Variants in ADGRF5 observed in about 807,000 individuals in gnomAD.
The protein encoded by ADGRF5 is adhesion G protein-coupled receptor F5, also known as G-protein coupled receptor 116.
Under a neutral mutation model 132.3 loss-of-function variants are expected in ADGRF5, and 75 were observed. That is an observed-to-expected ratio of 0.57 (90% CI 0.47 to 0.69). The LOEUF (loss-of-function observed/expected upper bound fraction) is 0.69, where lower values mean the gene tolerates loss of function less well. Among genes scored for constraint, ADGRF5 ranks in the 30% least tolerant of loss-of-function variants. ADGRF5 has a pLI of 0.00. For missense variants in ADGRF5, 1,516 were observed against 1,630.6 expected (o/e 0.93, Z 1.21); for synonymous variants, 629 against 597.6 (o/e 1.05, Z -0.77).
At chr6:46,929,878 C>A (rs1268954012) in intron 1 of ADGRF5, among the ~76,000 whole-genome samples, 1 of 152,014 alleles carries the variant, frequency 6.6e-6, no homozygotes, top group African/African-American at 2.4e-5. Context: ...CTGGACACAG[C>A]AGCACGATCT....
upstream of ADGRF5, among the ~76,000 whole-genome samples, chr6:46,926,090 G>A (rs760488229): frequency 6.6e-6 from 1 of 152,096 alleles, no homozygotes; most frequent in Non-Finnish European, 1.5e-5. Context: ...GTATACAAAT[G>A]GTCTTATTCT....
rs1419716785 is a variant in ADGRF5, at chr6:46,879,769, A to G, written c.1036+49T>C. On this transcript the variant is annotated intron_variant, in intron 9 of 20. Coordinates refer to ENST00000283296, the MANE Select transcript of ADGRF5 (RefSeq NM_001098518.2). Reference sequence around the variant, plus strand: ...AACACTATTACATATTTGCTTCTTTATAAGCTCTTCATTCCATTCCTCACA... The same window carrying G: ...AACACTATTACATATTTGCTTCTTTGTAAGCTCTTCATTCCATTCCTCACA... The G allele has an allele frequency of 4.8e-6, 6 of 1,251,980 alleles. No homozygotes were observed. In the Admixed American group the frequency reaches 1.0e-4, roughly 21 times the overall value. 77.6% of individuals were successfully genotyped at this position (1,251,980 alleles called of 1,614,324 possible).
Position 46,858,754 on chromosome 6 carries a change from C to T in ADGRF5, c.3149G>A (p.Arg1050His), listed in dbSNP as rs199576297. 7 of 1,613,926 alleles carry T rather than the reference C, an allele frequency of 4.3e-6. No individual in the cohort carries two copies. The highest frequency in any genetic ancestry group is 5.9e-6 in the Non-Finnish European group (7 of 1,180,014). ...SVTKNRTSYM[R>H]HTCIVNIAAS... ...AGCGATATTCACTATGCAGGTGTGG[C>T]GCATATAAGAAGTCCGGTTCTTGGT... The change falls in exon 17 of 21, where the codon CGC becomes CAC. Residue 1050 changes from arginine (R) to histidine (H), a missense_variant. Arg to His is a conservative substitution (Grantham distance 29). Coordinates refer to ENST00000283296, the MANE Select transcript of ADGRF5 (RefSeq NM_001098518.2).
intron 10 of ADGRF5, among the ~76,000 whole-genome samples, chr6:46,873,839 T>C (rs1406853821): frequency 6.6e-6 from 1 of 152,234 alleles, no homozygotes; most frequent in Non-Finnish European, 1.5e-5. Flanking sequence ...TTCTTTGCAC[T>C]TGGCATTTCC....
At chr6:46,888,271 A>C (rs1773258894) in intron 4 of ADGRF5, 64 bp downstream of exon 4, 2 of 1,155,560 alleles carry the variant, frequency 1.7e-6, no homozygotes, top group South Asian at 2.6e-5. Context: ...GATACTCAGG[A>C]GCTCAGACAG....
At chr6:46,939,969 A>G (rs971548377) in intron 1 of ADGRF5, among the ~76,000 whole-genome samples, 1 of 152,220 alleles carries the variant, frequency 6.6e-6, no homozygotes, top group Non-Finnish European at 1.5e-5. Context: ...TTGACCCTTG[A>G]ATAACAGGAG....
intron 1 of ADGRF5, among the ~76,000 whole-genome samples, chr6:46,949,810 C>T (rs1216449939): frequency 6.6e-6 from 1 of 152,170 alleles, no homozygotes; most frequent in African/African-American, 2.4e-5. Context: ...AATGTGTTTG[C>T]AGCACAAGAA....
intron 3 of ADGRF5, among the ~76,000 whole-genome samples, chr6:46,889,566 GTGTATA>G (rs1260203938): frequency 4.7e-4 from 57 of 120,984 alleles, no homozygotes; most frequent in Middle Eastern, 4.5e-3. Flanking sequence ...GTGTGTGTGT[GTGTATA>G]TATATATATA....
intron 14 of ADGRF5, 138 bp downstream of exon 14, chr6:46,864,904 C>A: frequency 1.7e-6 from 1 of 601,830 alleles, no homozygotes; most frequent in Non-Finnish European, 2.9e-6. Flanking sequence ...TTTTAAATAC[C>A]ACTATGGTGA....
intron 12 of ADGRF5, 136 bp downstream of exon 12, chr6:46,868,747 T>G (rs1473571943): frequency 1.6e-6 from 1 of 617,952 alleles, no homozygotes; most frequent in Admixed American, 2.8e-5. Flanking sequence ...GAATGTTGCG[T>G]TAAGTGTGAA....
chr6:46,877,223 C>CTT (rs1771758104), intron 10 of ADGRF5, among the ~76,000 whole-genome samples: 2 of 149,810 alleles, frequency 1.3e-5, no homozygotes, highest in East Asian at 2.0e-4. Context: ...AATTTATTTC[C>CTT]TCTCTTTCTT....
chr6:46,889,447 A>G (rs1382860461), intron 3 of ADGRF5, among the ~76,000 whole-genome samples: 2 of 147,090 alleles, frequency 1.4e-5, no homozygotes, highest in Non-Finnish European at 3.0e-5. Flanking sequence ...TTTATATAGT[A>G]TATATACTAA....
chr6:46,876,723 C>A (rs1771696613), intron 10 of ADGRF5, among the ~76,000 whole-genome samples: 1 of 152,158 alleles, frequency 6.6e-6, no homozygotes, highest in African/African-American at 2.4e-5. Context: ...CCTGCCTCAG[C>A]CTCCCAAGTA....
Position 46,883,561 on chromosome 6 carries a change from C to G in ADGRF5, c.610G>C (p.Ala204Pro). ...YRSYKTDLETAFRKGYGILPG... is the reference protein window; with the variant it reads ...YRSYKTDLETPFRKGYGILPG... The stretch of plus-strand genomic sequence containing the variant: ...AGGTTCTTGGGGCCAAAACCTACCG[C>G]TGTTTCCAAGTCGGTCTTGTAGGAC... Residue 204 changes from alanine (A) to proline (P), a missense_variant and splice_region_variant, in exon 6 of 21, where the codon GCG becomes CCG. By Grantham distance (27) the Ala-to-Pro change is conservative (BLOSUM62 -1). This residue lies in a region of ADGRF5 where 945 missense variants were observed against 929.4 expected (regional missense o/e 1.02). Transcript: ENST00000283296. The G allele has an allele frequency of 6.3e-7, 1 of 1,581,844 alleles. No homozygotes were observed. The highest frequency in any genetic ancestry group is 8.7e-7 in the Non-Finnish European group (1 of 1,153,480).
intron 3 of ADGRF5, among the ~76,000 whole-genome samples, chr6:46,895,045 C>T (rs1774028871): frequency 6.6e-6 from 1 of 151,970 alleles, no homozygotes; most frequent in South Asian, 2.1e-4. Flanking sequence ...GGTGTGGTGG[C>T]ATGCACCTGT....
chr6:46,937,791 G>C (rs113454041), intron 1 of ADGRF5, among the ~76,000 whole-genome samples: 1 of 152,106 alleles, frequency 6.6e-6, no homozygotes, highest in Admixed American at 6.5e-5. Flanking sequence ...CTTGACAGTC[G>C]ATTTGATAAC....
intron 1 of ADGRF5, among the ~76,000 whole-genome samples, chr6:46,912,123 CTGAGA>C (rs1776006950): frequency 6.6e-6 from 1 of 152,052 alleles, no homozygotes; most frequent in Admixed American, 6.5e-5. Flanking sequence ...AATAACTTGC[CTGAGA>C]TAACACAGCT....
At position 46,856,906 on chromosome 6, in the gene ADGRF5, T is replaced by C; in HGVS notation, c.3777A>G (p.Gly1259=). The change falls in exon 18 of 21, where the codon GGA becomes GGG. Residue 1259 remains glycine, a splice_region_variant and synonymous_variant. Transcript: ENST00000283296. ...IIFAILNVFQ[G]LFILLFGCLW... ...GGCATCCAAAGAGTAAAATGAATAATCCCTGAGAAAAAAAAGATTGAAAAG... is the reference window on the plus strand; with the variant it reads ...GGCATCCAAAGAGTAAAATGAATAACCCCTGAGAAAAAAAAGATTGAAAAG... 1 of 1,604,282 alleles carries C rather than the reference T, an allele frequency of 6.2e-7. No homozygotes were observed. The highest frequency in any genetic ancestry group is 8.5e-7 in the Non-Finnish European group (1 of 1,173,020).
In ADGRF5 at chr6:46,858,337, A is replaced by G. The variant is rs1201259537; in HGVS notation, c.3566T>C (p.Ile1189Thr). Residue 1189 changes from isoleucine (I) to threonine (T), a missense_variant, in exon 17 of 21, where the codon ATC (isoleucine) becomes ACC (threonine). By Grantham distance (89) the Ile-to-Thr change is moderately conservative (BLOSUM62 -1). Coordinates refer to ENST00000283296, the MANE Select transcript of ADGRF5 (RefSeq NM_001098518.2). ...ALIIVVVNIT[I>T]TIVVITKILR... is the part of the protein sequence containing the mutation. ...GATCTTGGTGATGACCACAATAGTGATGGTTATGTTCACCACCACAATGAT... is the reference window on the plus strand; with the variant it reads ...GATCTTGGTGATGACCACAATAGTGGTGGTTATGTTCACCACCACAATGAT... The G allele has an allele frequency of 6.2e-7, 1 of 1,613,602 alleles. No individual in the cohort carries two copies. Among genetic ancestry groups the G allele is most frequent in the African/African-American group, 1.3e-5 (1 of 74,856 alleles).
Sources: allele counts gnomAD v4.1 joint callset (sites outside exome capture counted in the v4.1 genomes callset), GRCh38; gene constraint gnomAD v4.1.1; regional missense constraint gnomAD v4.1.1; transcripts MANE v1.5; gene names NCBI Gene and HGNC (gene_info 2026-07-23, HGNC 2026-07-21).